Variants in MAPK1IP1L observed in about 807,000 individuals in gnomAD.
MAPK1IP1L encodes the protein mitogen-activated protein kinase 1 interacting protein 1 like.
In MAPK1IP1L, 10 loss-of-function variants were observed where a neutral mutation model predicts 18.1. The observed-to-expected ratio is 0.55, with a 90% CI of 0.34 to 0.94. The LOEUF (loss-of-function observed/expected upper bound fraction) is 0.94. Ranked by LOEUF, MAPK1IP1L falls within the 40% of genes least tolerant of loss-of-function variation. MAPK1IP1L has a pLI of 0.02. For missense variants in MAPK1IP1L, 260 were observed against 318.2 expected (o/e 0.82, Z 1.39); for synonymous variants, 115 against 117.3 (o/e 0.98, Z 0.13).
chr14:55,060,775 T>A (rs2042811750), intron 1 of MAPK1IP1L: 1 of 152,214 alleles, frequency 6.6e-6, no homozygotes, highest in African/African-American at 2.4e-5. Flanking sequence ...TTAAGATCTC[T>A]GCATTTTGTT....
chr14:55,052,221 C>G (rs1472677981), intron 1 of MAPK1IP1L, among the ~76,000 whole-genome samples: 1 of 151,966 alleles, frequency 6.6e-6, no homozygotes, highest in Non-Finnish European at 1.5e-5. Flanking sequence ...GGCTGCCGGC[C>G]TCGCGCCCCT....
intron 1 of MAPK1IP1L, among the ~76,000 whole-genome samples, chr14:55,059,336 A>G (rs1013122454): frequency 6.6e-6 from 1 of 152,006 alleles, no homozygotes; most frequent in Non-Finnish European, 1.5e-5. Flanking sequence ...AGACCAGTAG[A>G]AAAGAATAAA....
intron 2 of MAPK1IP1L, 140 bp downstream of exon 2, chr14:55,061,841 C>T (rs570203660): frequency 7.9e-5 from 50 of 631,624 alleles, no homozygotes; most frequent in Non-Finnish European, 1.2e-4. Flanking sequence ...GTCCTAGCTA[C>T]TTGGGAGGAT....
At position 55,064,597 on chromosome 14, in the gene MAPK1IP1L, TTTC is replaced by T; in HGVS notation, c.727-16_727-14del. The T allele has an allele frequency of 6.2e-7, 1 of 1,612,332 alleles. No homozygotes were observed. Among genetic ancestry groups the T allele is most frequent in the Non-Finnish European group, 8.5e-7 (1 of 1,179,100 alleles). ...ATTTGCAAAATCTAGAAGTTGACTT[TTTC>T]TTTTTTCTATTGCAGTCTTACCATT... On this transcript the variant is annotated splice_polypyrimidine_tract_variant and intron_variant, in intron 3 of 3. Coordinates refer to ENST00000395468, the MANE Select transcript of MAPK1IP1L (RefSeq NM_144578.4).
At chr14:55,060,154 ATTTTTTTTTTTTTTTTT>A (rs71131248) in intron 1 of MAPK1IP1L, among the ~76,000 whole-genome samples, 28 of 63,934 alleles carry the variant, frequency 4.4e-4, no homozygotes, top group South Asian at 3.9e-3. Context: ...TTTTGGAGAA[ATTTTTTTTTTTTTTTTT>A]TTTTTTTTTT....
intron 1 of MAPK1IP1L, among the ~76,000 whole-genome samples, chr14:55,058,162 T>C (rs912222605): frequency 3.9e-5 from 6 of 152,158 alleles, no homozygotes; most frequent in Non-Finnish European, 7.4e-5. Flanking sequence ...TCCATTCATG[T>C]GCATCTTTGG....
chr14:55,051,962 C>G (rs1468652978), intron 1 of MAPK1IP1L, among the ~76,000 whole-genome samples, 159 bp downstream of exon 1: 3 of 152,152 alleles, frequency 2.0e-5, no homozygotes, highest in Admixed American at 6.5e-5. Flanking sequence ...GGCACCAGGA[C>G]TAAGCGTTTC....
chr14:55,068,210 G>A lies in MAPK1IP1L; in HGVS notation c.*3583G>A, dbSNP rs1351629628. 1.3e-5 allele frequency: 2 copies of A among 152,558 alleles called. No individual in the cohort carries two copies. The highest frequency in any genetic ancestry group is 3.8e-4 in the East Asian group (2 of 5,200). 9.5% of individuals were successfully genotyped at this position (152,558 alleles called of 1,614,324 possible). Reference sequence around the variant, plus strand: ...ATTTTACTGTTGGTTGTCTTCAGTAGAGAATAGTAATAGGGCAGAGAAAAG... The same window carrying A: ...ATTTTACTGTTGGTTGTCTTCAGTAAAGAATAGTAATAGGGCAGAGAAAAG... On this transcript the variant is annotated 3_prime_UTR_variant, in exon 4 of 4. Transcript: ENST00000395468.
chr14:55,060,568 A>G (rs1319861043), intron 1 of MAPK1IP1L: 1 of 152,252 alleles, frequency 6.6e-6, no homozygotes, highest in Non-Finnish European at 1.5e-5. Context: ...TAAAATGATC[A>G]AAGGCAAAGA....
rs1006943765 is a variant in MAPK1IP1L at position 55,068,466 on chromosome 14, C to T, written c.*3839C>T. ...TGCCTACACTTCTAAACAATAAGTG[C>T]CAATGTCTCAATTTTCTCACCCTGA... On this transcript the variant is annotated 3_prime_UTR_variant, in exon 4 of 4. Coordinates refer to ENST00000395468, the MANE Select transcript of MAPK1IP1L (RefSeq NM_144578.4). The T allele has an allele frequency of 2.6e-5, 4 of 152,582 alleles. No individual in the cohort carries two copies. The highest frequency in any genetic ancestry group is 9.7e-5 in the African/African-American group (4 of 41,424). The allele number at this position is 152,582 out of a possible 1,614,324, so 9.5% of individuals were successfully genotyped here.
In MAPK1IP1L at chr14:55,068,519, C is replaced by CA. The variant is rs1343482512; in HGVS notation, c.*3894dup. ...GATAGAAGCTAGCTTTATCAAATGC[C>CA]AAGGTTAGAAAGCCTGGAAATAAAA... On this transcript the variant is annotated 3_prime_UTR_variant, in exon 4 of 4. Transcript: ENST00000395468. The CA allele has an allele frequency of 3.3e-5, 5 of 152,598 alleles. No individual in the cohort carries two copies. The highest frequency in any genetic ancestry group is 4.8e-5 in the African/African-American group (2 of 41,544). 9.5% of individuals were successfully genotyped at this position (152,598 alleles called of 1,614,324 possible). A position where few individuals can be genotyped will look rare whatever the true frequency, so the allele number is the denominator to read the frequency against.
intron 1 of MAPK1IP1L, among the ~76,000 whole-genome samples, chr14:55,052,110 G>T (rs2042733592): frequency 6.6e-6 from 1 of 151,508 alleles, no homozygotes; most frequent in South Asian, 2.1e-4. Flanking sequence ...GGGCGGGCGC[G>T]GGCCGGCCCC....
intron 1 of MAPK1IP1L, among the ~76,000 whole-genome samples, chr14:55,052,774 A>G (rs2042741156): frequency 1.3e-5 from 2 of 152,188 alleles, no homozygotes; most frequent in Non-Finnish European, 1.5e-5. Flanking sequence ...TGAGCCCACA[A>G]TGCAAAGCGA....
intron 3 of MAPK1IP1L, 151 bp downstream of exon 3, chr14:55,063,476 G>C: frequency 1.5e-6 from 1 of 673,956 alleles, no homozygotes; most frequent in South Asian, 2.3e-5. Flanking sequence ...CAAACCTTCA[G>C]GTAAAGCATT....
At chr14:55,062,168 G>A (rs534408028) in intron 2 of MAPK1IP1L, among the ~76,000 whole-genome samples, 3 of 152,218 alleles carry the variant, frequency 2.0e-5, no homozygotes, top group South Asian at 4.1e-4. Context: ...TATATACCAG[G>A]CACTCTGTGA....
intron 3 of MAPK1IP1L, 121 bp downstream of exon 3, chr14:55,063,446 T>A: frequency 1.3e-6 from 1 of 792,464 alleles, no homozygotes; most frequent in Non-Finnish European, 1.9e-6. Context: ...AGGGTGTGTG[T>A]ATATTAAATA....
chr14:55,069,080 CA>C lies in MAPK1IP1L; in HGVS notation c.*4456del, dbSNP rs2042887194. ...TGATCAGCGCAACAATTCAAGTGTGCAAAGTAACAGGATAGTTTGCCTCTTC... is the reference window on the plus strand; with the variant it reads ...TGATCAGCGCAACAATTCAAGTGTGCAAGTAACAGGATAGTTTGCCTCTTC... On this transcript the variant is annotated 3_prime_UTR_variant, in exon 4 of 4. Transcript: ENST00000395468. 6 of 151,670 alleles carry C rather than the reference CA, an allele frequency of 4.0e-5. No homozygotes were observed. In the South Asian group the frequency reaches 1.3e-3, roughly 32 times the overall value. 9.4% of individuals were successfully genotyped at this position (151,670 alleles called of 1,614,324 possible). A position where few individuals can be genotyped will look rare whatever the true frequency, so the allele number is the denominator to read the frequency against.
At chr14:55,063,774 C>G (rs989991354) in intron 3 of MAPK1IP1L, 1 of 155,916 alleles carries the variant, frequency 6.4e-6, no homozygotes, top group East Asian at 1.9e-4. Context: ...GTTCATCTTT[C>G]AAGCAGTTCT....
At chr14:55,059,272 T>G (rs994991536) in intron 1 of MAPK1IP1L, among the ~76,000 whole-genome samples, 1 of 150,092 alleles carries the variant, frequency 6.7e-6, no homozygotes, top group East Asian at 1.9e-4. Context: ...ACATTAATGT[T>G]TATTTAAAAT....
Sources: allele counts gnomAD v4.1 joint callset (sites outside exome capture counted in the v4.1 genomes callset), GRCh38; gene constraint gnomAD v4.1.1; transcripts MANE v1.5; gene names NCBI Gene and HGNC (gene_info 2026-07-23, HGNC 2026-07-21).